XRCC4: variants seen among roughly 807,000 people sequenced by gnomAD.
XRCC4 encodes X-ray repair cross complementing 4.
In XRCC4, 28 loss-of-function variants were observed where a neutral mutation model predicts 39.1. The observed-to-expected ratio is 0.72, with a 90% confidence interval of 0.53 to 0.98. The LOEUF is 0.98. XRCC4 is among the 50% of genes least tolerant of loss of function. The pLI is 0.00. For missense variants in XRCC4, 350 were observed against 376.4 expected (o/e 0.93, Z 0.58); for synonymous variants, 123 against 126.4 (o/e 0.97, Z 0.18).
chr5:83,252,011 G>C (rs1408807639), intron 6 of XRCC4, among the ~76,000 whole-genome samples: 2 of 152,194 alleles, frequency 1.3e-5, no homozygotes, highest in Non-Finnish European at 2.9e-5. Flanking sequence ...ATGTTTGCTT[G>C]TTTGGTCAGA....
chr5:83,078,427 T>G (rs1444717041), intron 1 of XRCC4, among the ~76,000 whole-genome samples: 1 of 152,048 alleles, frequency 6.6e-6, no homozygotes, highest in Admixed American at 6.6e-5. Flanking sequence ...CAGGAGAGAG[T>G]TCTTTTCAGA....
intron 3 of XRCC4, among the ~76,000 whole-genome samples, chr5:83,123,584 G>C (rs886341334): frequency 6.6e-6 from 1 of 151,488 alleles, no homozygotes; most frequent in African/African-American, 2.4e-5. Context: ...TACTATCTCT[G>C]TTTGTTCCAT....
At chr5:83,116,621 T>A (rs867063806) in intron 3 of XRCC4, among the ~76,000 whole-genome samples, 1 of 126,258 alleles carries the variant, frequency 7.9e-6, no homozygotes, top group Non-Finnish European at 1.7e-5. Flanking sequence ...TTTTTTTTTT[T>A]TTTTTTTTTT....
At chr5:83,306,898 G>A (rs527352077) in intron 7 of XRCC4, among the ~76,000 whole-genome samples, 1 of 152,188 alleles carries the variant, frequency 6.6e-6, no homozygotes, top group Non-Finnish European at 1.5e-5. Flanking sequence ...GAAAGAAAAG[G>A]GGGGAACAGA....
the XRCC4 span, among the ~76,000 whole-genome samples, chr5:83,368,987 GTCTC>G: frequency 2.6e-5 from 4 of 152,050 alleles, no homozygotes; most frequent in South Asian, 2.1e-4. Flanking sequence ...TTTTATTTTT[GTCTC>G]TCTAATAGCA....
At chr5:83,165,594 C>T (rs1272201276) in intron 3 of XRCC4, among the ~76,000 whole-genome samples, 1 of 151,874 alleles carries the variant, frequency 6.6e-6, no homozygotes, top group Non-Finnish European at 1.5e-5. Flanking sequence ...AAGCCTAGTA[C>T]CCATTTTTAT....
intron 7 of XRCC4, among the ~76,000 whole-genome samples, chr5:83,328,524 A>G (rs1461242713): frequency 1.3e-5 from 2 of 152,138 alleles, no homozygotes; most frequent in East Asian, 1.9e-4. Context: ...TAATAAAAAG[A>G]TGGAGCAAAT....
At chr5:83,148,921 T>C (rs111916917) in intron 3 of XRCC4, among the ~76,000 whole-genome samples, 73 of 152,290 alleles carry the variant, frequency 4.8e-4, no homozygotes, top group African/African-American at 1.6e-3. Context: ...ATACATTTTT[T>C]GTAACAGTGT....
At chr5:83,248,001 A>G (rs148842133) in intron 6 of XRCC4, among the ~76,000 whole-genome samples, 8 of 152,284 alleles carry the variant, frequency 5.3e-5, no homozygotes, top group African/African-American at 1.9e-4. Flanking sequence ...GTGTGGGCAC[A>G]GAGGAGACTT....
chr5:83,188,891 AT>A lies in XRCC4; in HGVS notation c.316-6878del, dbSNP rs139243493. On this transcript the variant is annotated intron_variant, in intron 3 of 7. Transcript: ENST00000396027. ...CAATAGAGAAGCATACTGAAAAGAT[AT>A]GCCTAGAGACCTGTGATGAGATCTG... Among the ~76,000 whole-genome samples, 605 of 152,366 alleles carry A rather than the reference AT, an allele frequency of 4.0e-3. 3 individuals are homozygous for A. Among genetic ancestry groups the A allele is most frequent in the African/African-American group, 0.014 (582 of 41,584 alleles).
chr5:83,113,655 G>A (rs1746557248), intron 3 of XRCC4, among the ~76,000 whole-genome samples: 1 of 150,038 alleles, frequency 6.7e-6, no homozygotes, highest in Non-Finnish European at 1.5e-5. Flanking sequence ...GAGTCTCGCT[G>A]TGTCACCCAG....
intron 1 of XRCC4, among the ~76,000 whole-genome samples, chr5:83,084,598 A>G (rs544597967): frequency 7.9e-5 from 12 of 152,352 alleles, no homozygotes; most frequent in Non-Finnish European, 8.8e-5. Context: ...CTTGTGTACC[A>G]TTGGGAAATC....
intron 3 of XRCC4, among the ~76,000 whole-genome samples, chr5:83,185,424 A>T (rs1019629956): frequency 5.1e-4 from 25 of 48,876 alleles, no homozygotes; most frequent in Non-Finnish European, 9.3e-4. Context: ...AGTATGTATT[A>T]TATATATATA....
intron 3 of XRCC4, among the ~76,000 whole-genome samples, chr5:83,121,405 T>C (rs1275489412): frequency 6.6e-6 from 1 of 152,206 alleles, no homozygotes; most frequent in African/African-American, 2.4e-5. Flanking sequence ...CATCAGTATA[T>C]GAGTTCCAGT....
At chr5:83,095,532 G>T (rs1745636617) in intron 1 of XRCC4, among the ~76,000 whole-genome samples, 1 of 152,166 alleles carries the variant, frequency 6.6e-6, no homozygotes, top group Admixed American at 6.5e-5. Flanking sequence ...ATCTGCTGAG[G>T]ATCTGTTGTG....
intron 7 of XRCC4, among the ~76,000 whole-genome samples, chr5:83,350,704 A>G (rs1057501206): frequency 2.6e-5 from 4 of 152,076 alleles, no homozygotes; most frequent in African/African-American, 4.8e-5. Context: ...ATTTTCTCCT[A>G]TTCTGTAAGC....
intron 7 of XRCC4, chr5:83,279,877 A>C (rs3777034): frequency 6.4e-6 from 1 of 155,358 alleles, no homozygotes; most frequent in African/African-American, 2.4e-5. Context: ...TGAACAAACT[A>C]AAGTTACAAG....
chr5:83,325,579 C>A (rs1756229932), intron 7 of XRCC4, among the ~76,000 whole-genome samples: 1 of 152,056 alleles, frequency 6.6e-6, no homozygotes, highest in African/African-American at 2.4e-5. Context: ...TCTGTTCCTG[C>A]ATTAGTTTGC....
At chr5:83,156,786 GTAAC>G (rs751297242) in intron 3 of XRCC4, among the ~76,000 whole-genome samples, 26 of 152,238 alleles carry the variant, frequency 1.7e-4, no homozygotes, top group African/African-American at 3.6e-4. Context: ...TGCATAATTT[GTAAC>G]TAACTAAGTG....
Sources: gnomAD v4.1 joint callset for allele counts (sites outside exome capture counted in the v4.1 genomes callset) on GRCh38, gnomAD v4.1.1 for gene constraint, MANE v1.5 for transcripts, NCBI Gene and HGNC (gene_info 2026-07-23, HGNC 2026-07-21) for gene names.